Variants in SDK1 observed in about 807,000 individuals in gnomAD.
The protein encoded by SDK1 is protein sidekick-1.
A neutral mutation model predicts 245.5 loss-of-function variants in SDK1; 157 were observed. That is an observed-to-expected ratio of 0.64 (90% confidence interval 0.56 to 0.73). The LOEUF (loss-of-function observed/expected upper bound fraction) is 0.73. Among genes scored for constraint, SDK1 ranks in the 30% least tolerant of loss-of-function variants. SDK1 has a pLI of 0.00. For synonymous variants in SDK1, 1,647 were observed against 1,278.5 expected (o/e 1.29, Z -6.15); for missense variants, 3,583 against 3,002.3 (o/e 1.19, Z -4.52).
At chr7:3,975,548 GA>G (rs1446824051) in intron 13 of SDK1, among the ~76,000 whole-genome samples, 2 of 152,238 alleles carry the variant, frequency 1.3e-5, no homozygotes, top group East Asian at 3.8e-4. Context: ...GACTCCAGCT[GA>G]GGGGATTAAA....
intron 1 of SDK1, among the ~76,000 whole-genome samples, chr7:3,572,195 A>G (rs144002479): frequency 8.8e-4 from 134 of 152,200 alleles, no homozygotes; most frequent in African/African-American, 3.1e-3. Context: ...AGTAGTTTCT[A>G]CCTGGAAGTA....
intron 1 of SDK1, among the ~76,000 whole-genome samples, chr7:3,522,761 A>AG (rs1170350314): frequency 6.6e-6 from 1 of 152,162 alleles, no homozygotes; most frequent in African/African-American, 2.4e-5. Context: ...TCCAGCTTTA[A>AG]GGTTCACAGA....
intron 4 of SDK1, among the ~76,000 whole-genome samples, chr7:3,769,272 G>A (rs2114998170): frequency 6.6e-6 from 1 of 152,216 alleles, no homozygotes; most frequent in Admixed American, 6.5e-5. Context: ...GAGGCTGAAA[G>A]GTCCAAGATC....
intron 44 of SDK1, among the ~76,000 whole-genome samples, chr7:4,258,522 C>T (rs1282419593): frequency 1.3e-5 from 2 of 152,236 alleles, no homozygotes; most frequent in East Asian, 3.9e-4. Flanking sequence ...ATCTTTTCTA[C>T]AACTGGGGTT....
At chr7:3,313,934 T>A (rs1779606771) in intron 1 of SDK1, among the ~76,000 whole-genome samples, 1 of 152,192 alleles carries the variant, frequency 6.6e-6, no homozygotes, top group Non-Finnish European at 1.5e-5. Flanking sequence ...GTCAAAATTT[T>A]AAAAATGTAT....
chr7:3,529,800 C>G (rs1053892854), intron 1 of SDK1, among the ~76,000 whole-genome samples: 12 of 152,128 alleles, frequency 7.9e-5, no homozygotes, highest in African/African-American at 2.9e-4. Context: ...GAGGGGTGGG[C>G]TATGCTCACA....
At chr7:3,765,791 T>A (rs963690604) in intron 4 of SDK1, among the ~76,000 whole-genome samples, 5 of 152,210 alleles carry the variant, frequency 3.3e-5, no homozygotes, top group Admixed American at 1.3e-4. Context: ...AAAAATTCTA[T>A]GTAAAAGGCT....
intron 28 of SDK1, among the ~76,000 whole-genome samples, chr7:4,135,618 C>T (rs1215603585): frequency 2.0e-5 from 3 of 152,188 alleles, no homozygotes; most frequent in African/African-American, 7.2e-5. Context: ...AGATCTCAGC[C>T]TATGCTTATT....
rs1253178017 is a variant in SDK1 at position 4,247,721 on chromosome 7, C to A, written c.6381+1916C>A. ...GTGTGTTTCCAGCACTCACTGTGGGCCTGGCCCAGGGTGAACGTGCACTCC... is the reference window on the plus strand; with the variant it reads ...GTGTGTTTCCAGCACTCACTGTGGGACTGGCCCAGGGTGAACGTGCACTCC... On this transcript the variant is annotated intron_variant, in intron 44 of 44. Coordinates refer to ENST00000404826, the MANE Select transcript of SDK1 (RefSeq NM_152744.4). Among the ~76,000 whole-genome samples, 2 of 152,218 alleles carry A rather than the reference C, an allele frequency of 1.3e-5. 1 individual carries two copies. The highest frequency in any genetic ancestry group is 4.8e-5 in the African/African-American group (2 of 41,452).
intron 4 of SDK1, among the ~76,000 whole-genome samples, chr7:3,696,050 C>T (rs1784564004): frequency 6.6e-6 from 1 of 152,116 alleles, no homozygotes; most frequent in South Asian, 2.1e-4. Context: ...CTCCGCGTTC[C>T]GGTTTTCCCA....
intron 1 of SDK1, among the ~76,000 whole-genome samples, chr7:3,485,352 T>C (rs1781652114): frequency 6.6e-6 from 1 of 152,132 alleles, no homozygotes. Flanking sequence ...ATCAGATTAT[T>C]TGCTTATTTG....
intron 1 of SDK1, among the ~76,000 whole-genome samples, chr7:3,576,852 A>G (rs1780309377): frequency 6.6e-6 from 1 of 152,066 alleles, no homozygotes; most frequent in Non-Finnish European, 1.5e-5. Flanking sequence ...TCTGCAAAGC[A>G]GAAGTTGGTT....
At chr7:3,516,506 TAAA>T (rs1185646053) in intron 1 of SDK1, among the ~76,000 whole-genome samples, 2 of 152,166 alleles carry the variant, frequency 1.3e-5, no homozygotes, top group African/African-American at 4.8e-5. Context: ...GAGTGTATTT[TAAA>T]AAATTATTAT....
At chr7:3,930,603 G>T (rs1369275287) in intron 5 of SDK1, among the ~76,000 whole-genome samples, 1 of 152,150 alleles carries the variant, frequency 6.6e-6, no homozygotes, top group Non-Finnish European at 1.5e-5. Flanking sequence ...TTCGTAAGTG[G>T]GTTGAAATTA....
At chr7:3,375,230 C>G (rs1361910532) in intron 1 of SDK1, among the ~76,000 whole-genome samples, 2 of 151,242 alleles carry the variant, frequency 1.3e-5, no homozygotes, top group African/African-American at 4.9e-5. Context: ...AAAACAAACA[C>G]TAGTGGAGAC....
At position 3,538,015 on chromosome 7, in the gene SDK1, GT is replaced by G. The variant is rs964982601; in HGVS notation, c.299-81058del. Among the ~76,000 whole-genome samples the G allele has an allele frequency of 1.2e-4, 19 of 152,272 alleles. No homozygotes were observed. The East Asian group carries it at 2.5e-3, about 20-fold the overall frequency. On this transcript the variant is annotated intron_variant, in intron 1 of 44. Transcript: ENST00000404826. ...GGGGAAAGGGATCCAGGCACTGATG[GT>G]TTTTTTCCTGCCTTTCGTGGAGTCT...
At chr7:3,380,404 G>A (rs1781456885) in intron 1 of SDK1, among the ~76,000 whole-genome samples, 1 of 152,218 alleles carries the variant, frequency 6.6e-6, no homozygotes, top group African/African-American at 2.4e-5. Context: ...CTCCTACACA[G>A]CGTTTTAAGA....
chr7:4,177,398 T>A (rs562002730), intron 34 of SDK1, among the ~76,000 whole-genome samples: 1 of 152,334 alleles, frequency 6.6e-6, no homozygotes, highest in South Asian at 2.1e-4. Flanking sequence ...TCTCACCCTG[T>A]CACTTAGTGC....
intron 4 of SDK1, among the ~76,000 whole-genome samples, chr7:3,666,270 G>A (rs1447626853): frequency 6.6e-6 from 1 of 152,186 alleles, no homozygotes; most frequent in African/African-American, 2.4e-5. Flanking sequence ...TGTCGGGCTT[G>A]TTTCTCCTTT....
Sources: allele counts gnomAD v4.1 joint callset (sites outside exome capture counted in the v4.1 genomes callset), GRCh38; gene constraint gnomAD v4.1.1; transcripts MANE v1.5; gene names NCBI Gene and HGNC (gene_info 2026-07-23, HGNC 2026-07-21).